RRM1: variants seen among roughly 807,000 people sequenced by gnomAD.
RRM1 encodes the protein ribonucleotide reductase catalytic subunit M1, also known as ribonucleoside-diphosphate reductase large subunit.
RRM1 carries 19 observed loss-of-function variants against 101.5 expected under a neutral mutation model. That is an observed-to-expected ratio of 0.19 (90% CI 0.13 to 0.27). The LOEUF (loss-of-function observed/expected upper bound fraction) is 0.27, where lower values mean the gene tolerates loss of function less well. Among genes scored for constraint, RRM1 ranks in the 10% least tolerant of loss-of-function variants. The pLI is 1.00. For missense variants in RRM1, 500 were observed against 962.9 expected (o/e 0.52, Z 6.36); for synonymous variants, 298 against 323.4 (o/e 0.92, Z 0.84).
chr11:4,111,275 G>C (rs1324056768), intron 5 of RRM1, among the ~76,000 whole-genome samples: 3 of 152,048 alleles, frequency 2.0e-5, no homozygotes, highest in Non-Finnish European at 4.4e-5. Flanking sequence ...GCTGGGCCTG[G>C]TGGTGGGCGC....
In RRM1 at chr11:4,111,930, G is replaced by T. The variant is rs1236449195; in HGVS notation, c.518G>T (p.Arg173Ile). ...GAAAGACCACAACATATGTTGATGA[G>T]AGTATCTGTTGGGATCCACAAAGAA... ...VAERPQHMLM[R>I]VSVGIHKEDI... is the part of the protein sequence containing the mutation. The change falls in exon 7 of 19, where the codon AGA becomes ATA. Residue 173 changes from arginine to isoleucine, a missense_variant. Arg to Ile is a moderately conservative substitution (Grantham distance 97, BLOSUM62 -3). Around this residue, in one of 9 missense-constraint regions of RRM1, gnomAD observed 111 missense variants for 219.8 expected, o/e 0.51. Transcript: ENST00000300738. 6.2e-7 allele frequency: 1 copy of T among 1,613,930 alleles called. No homozygotes were observed. The highest frequency in any genetic ancestry group is 1.3e-5 in the African/African-American group (1 of 74,910).
At chr11:4,097,103 G>T (rs1781141812) in intron 1 of RRM1, among the ~76,000 whole-genome samples, 1 of 151,670 alleles carries the variant, frequency 6.6e-6, no homozygotes, top group Admixed American at 6.6e-5. Context: ...GGGCCAACAT[G>T]GTGGAACCCC....
At chr11:4,105,577 C>CTTTT in intron 2 of RRM1, 2 of 262,906 alleles carry the variant, frequency 7.6e-6, no homozygotes, top group Non-Finnish European at 1.4e-5. Flanking sequence ...TTTTTTCTTT[C>CTTTT]CTTTTTTTTT....
intron 10 of RRM1, 149 bp from the exon 11 acceptor site, chr11:4,121,992 G>A: frequency 1.4e-6 from 1 of 699,532 alleles, no homozygotes; most frequent in Non-Finnish European, 2.4e-6. Flanking sequence ...GGCAGACCTA[G>A]ATGTTTGGGC....
chr11:4,121,270 T>C (rs2094581435), intron 9 of RRM1, among the ~76,000 whole-genome samples: 1 of 152,172 alleles, frequency 6.6e-6, no homozygotes, highest in Non-Finnish European at 1.5e-5. Context: ...TCAAAGCAAC[T>C]TCCTTTGGGC....
At chr11:4,121,290 A>G (rs1042079760) in intron 9 of RRM1, among the ~76,000 whole-genome samples, 1 of 152,182 alleles carries the variant, frequency 6.6e-6, no homozygotes, top group Admixed American at 6.5e-5. Context: ...CTTTATGTAC[A>G]TGTCATGTGG....
chr11:4,129,147 C>T lies in RRM1; in HGVS notation c.1766C>T (p.Ala589Val). 6.3e-7 allele frequency: 1 copy of T among 1,587,422 alleles called. No homozygotes were observed. Among genetic ancestry groups the T allele is most frequent in the South Asian group, 1.1e-5 (1 of 89,712 alleles). ...TGGAAGGTTCTCAAGGAGAAGATTG[C>T]AAAGTAAGTGAAAAGATGTAAAGTA... is the stretch of plus-strand genomic sequence containing the variant. ...WDWKVLKEKI[A>V]KYGIRNSLLI... Residue 589 changes from alanine to valine, a missense_variant, in exon 15 of 19, where the codon GCA (alanine) becomes GTA (valine). Coordinates refer to ENST00000300738, the MANE Select transcript of RRM1 (RefSeq NM_001033.5).
rs1417488567 is a variant in RRM1 at position 4,133,600 on chromosome 11, G to A, written c.1943G>A (p.Arg648Gln). The A allele has an allele frequency of 9.3e-6, 15 of 1,611,490 alleles. No homozygotes were observed. The highest frequency in any genetic ancestry group is 6.7e-5 in the African/African-American group (5 of 74,760). ...NPHLLKDLTE[R>Q]GLWHEEMKNQ... ...CACTTATTGAAAGATCTTACCGAGC[G>A]GGGCCTATGGCATGAAGAGATGAAA... Residue 648 changes from arginine to glutamine, a missense_variant, in exon 17 of 19, where the codon CGG becomes CAG. Coordinates refer to ENST00000300738, the MANE Select transcript of RRM1 (RefSeq NM_001033.5).
Position 4,132,530 on chromosome 11 carries a change from TTTGATA to T in RRM1, c.1905+110_1905+115del. On this transcript the variant is annotated intron_variant, in intron 16 of 18. Coordinates refer to ENST00000300738, the MANE Select transcript of RRM1 (RefSeq NM_001033.5). The surrounding 1 kb of genome is among the most constrained non-coding windows in gnomAD (Gnocchi z 4.1). Reference sequence around the variant, plus strand: ...CCATTTTCTTAGTTTGGGTGCAAACTTTGATAAAGACAGTCATCTTCATCTCTAATA... The same window carrying T: ...CCATTTTCTTAGTTTGGGTGCAAACTAAGACAGTCATCTTCATCTCTAATA... The T allele has an allele frequency of 3.7e-6, 4 of 1,087,194 alleles. No individual in the cohort carries two copies. Among genetic ancestry groups the T allele is most frequent in the Non-Finnish European group, 5.4e-6 (4 of 736,286 alleles). 67.3% of individuals were successfully genotyped at this position (1,087,194 alleles called of 1,614,324 possible). A position where few individuals can be genotyped will look rare whatever the true frequency, so the allele number is the denominator to read the frequency against.
At chr11:4,095,668 G>C (rs1356373020) in intron 1 of RRM1, among the ~76,000 whole-genome samples, 1 of 152,208 alleles carries the variant, frequency 6.6e-6, no homozygotes, top group Non-Finnish European at 1.5e-5. Flanking sequence ...AATCAGAGAA[G>C]GGTGGCTGAG....
At chr11:4,123,095 A>G in intron 11 of RRM1, 88 bp from the exon 12 acceptor site, 1 of 1,011,348 alleles carries the variant, frequency 9.9e-7, no homozygotes, top group Non-Finnish European at 1.4e-6. Flanking sequence ...AAGAGTTTTC[A>G]TAACTTTATA....
chr11:4,128,937 A>G, intron 14 of RRM1, 137 bp from the exon 15 acceptor site: 1 of 490,740 alleles, frequency 2.0e-6, no homozygotes, highest in African/African-American at 2.0e-5. Flanking sequence ...TGGAGCTTGT[A>G]TTCCTCATAG....
intron 1 of RRM1, among the ~76,000 whole-genome samples, chr11:4,095,714 G>A (rs2094542647): frequency 6.6e-6 from 1 of 152,204 alleles, no homozygotes. Flanking sequence ...GGAAGAGTCA[G>A]GAACTCGTAT....
chr11:4,098,717 G>C (rs1053484403), intron 1 of RRM1, among the ~76,000 whole-genome samples: 14 of 152,210 alleles, frequency 9.2e-5, no homozygotes, highest in Non-Finnish European at 1.8e-4. Context: ...AGATTCTGCA[G>C]TGAACAAAGC....
chr11:4,133,831 A>T (rs370170260), intron 17 of RRM1, among the ~76,000 whole-genome samples, 173 bp downstream of exon 17: 2 of 152,062 alleles, frequency 1.3e-5, no homozygotes, highest in East Asian at 3.9e-4. Context: ...TCTTTACATA[A>T]CCCTTACCAT....
At chr11:4,096,595 G>C (rs2094543828) in intron 1 of RRM1, among the ~76,000 whole-genome samples, 1 of 152,044 alleles carries the variant, frequency 6.6e-6, no homozygotes, top group South Asian at 2.1e-4. Flanking sequence ...ATAACATAGT[G>C]CACTTTTATT....
intron 16 of RRM1, 86 bp from the exon 17 acceptor site, chr11:4,133,477 A>AT: frequency 1.3e-6 from 1 of 758,184 alleles, no homozygotes; most frequent in Non-Finnish European, 2.2e-6. Context: ...CTCTTAAGTG[A>AT]TTTTAGTTTA....
chr11:4,096,867 C>T (rs1207320252), intron 1 of RRM1, among the ~76,000 whole-genome samples: 2 of 151,912 alleles, frequency 1.3e-5, no homozygotes, highest in African/African-American at 4.8e-5. Context: ...TATGATAAGT[C>T]AGTAACAAAG....
At chr11:4,125,165 A>C (rs2094587659) in intron 12 of RRM1, among the ~76,000 whole-genome samples, 1 of 152,034 alleles carries the variant, frequency 6.6e-6, no homozygotes, top group African/African-American at 2.4e-5. Flanking sequence ...CGCCCACCTC[A>C]GCCTCCCAAA....
Sources: allele counts gnomAD v4.1 joint callset (sites outside exome capture counted in the v4.1 genomes callset), GRCh38; gene constraint gnomAD v4.1.1; regional missense constraint gnomAD v4.1.1; non-coding constraint Gnocchi (gnomAD v3.1); transcripts MANE v1.5; gene names NCBI Gene and HGNC (gene_info 2026-07-23, HGNC 2026-07-21).